Variants in GPR26 observed in about 807,000 individuals in gnomAD.
The protein encoded by GPR26 is G protein-coupled receptor 26.
Under a neutral mutation model 23.1 loss-of-function variants are expected in GPR26, and 15 were observed. The ratio of observed to expected loss-of-function variants is 0.65; its 90% CI spans 0.43 to 1.00. The LOEUF (loss-of-function observed/expected upper bound fraction) is 1.00, where lower values mean the gene tolerates loss of function less well. GPR26 is among the 50% of genes least tolerant of loss of function. GPR26 has a pLI of 0.00. For synonymous variants in GPR26, 228 were observed against 222.1 expected, an observed-to-expected ratio of 1.03 and a Z score of -0.24; for missense variants, 359 against 470.5, an observed-to-expected ratio of 0.76 and a Z score of 2.19.
At chr10:123,687,785 T>A (rs1052482375) in intron 2 of GPR26, 144 bp from the exon 3 acceptor site, 4 of 617,746 alleles carry the variant, frequency 6.5e-6, no homozygotes, top group Non-Finnish European at 1.2e-5. Flanking sequence ...AAACTGTTAT[T>A]GTTATTTGAG....
rs932050812 is a variant in GPR26 at position 123,694,440 on chromosome 10, G to T, written c.*6280G>T. 1.3e-5 allele frequency: 2 copies of T among 152,180 alleles called. No individual in the cohort carries two copies. The highest frequency in any genetic ancestry group is 4.8e-5 in the African/African-American group (2 of 41,392). The allele number at this position is 152,180 out of a possible 1,614,324, so 9.4% of individuals were successfully genotyped here. On this transcript the variant is annotated 3_prime_UTR_variant, in exon 3 of 3. Coordinates refer to ENST00000284674, the MANE Select transcript of GPR26 (RefSeq NM_153442.4). Reference sequence around the variant, plus strand: ...CAGTGGGAGATGATAGAAGTCTTGAGGTTGGGAATATAAGAATTAGGTCTC... The same window carrying T: ...CAGTGGGAGATGATAGAAGTCTTGATGTTGGGAATATAAGAATTAGGTCTC...
intron 2 of GPR26, among the ~76,000 whole-genome samples, chr10:123,675,798 C>CTGTG (rs57869785): frequency 0.14 from 19,320 of 142,434 alleles, 1,544 homozygotes; most frequent in Middle Eastern, 0.2. Context: ...GCAGGGTTTT[C>CTGTG]TGTGTGTGTG....
At chr10:123,684,026 C>T (rs567293133) in intron 2 of GPR26, among the ~76,000 whole-genome samples, 2 of 152,302 alleles carry the variant, frequency 1.3e-5, no homozygotes, top group Admixed American at 6.5e-5. Flanking sequence ...AGCTCCATCC[C>T]CTCCCCCAAC....
chr10:123,684,240 C>T (rs1280991216), intron 2 of GPR26, among the ~76,000 whole-genome samples: 1 of 152,178 alleles, frequency 6.6e-6, no homozygotes, highest in Admixed American at 6.5e-5. Flanking sequence ...TTTGTGGGGA[C>T]AGGCCCTAAT....
In GPR26 at chr10:123,690,360, C is replaced by G. The variant is rs1038968202; in HGVS notation, c.*2200C>G. 16 of 152,206 alleles carry G rather than the reference C, an allele frequency of 1.1e-4. No homozygotes were observed. The highest frequency in any genetic ancestry group is 3.9e-4 in the African/African-American group (16 of 41,422). The allele number at this position is 152,206 out of a possible 1,614,324, so 9.4% of individuals were successfully genotyped here. ...GTGAGGTCAGTCAACAGCCAAATTC[C>G]AGCAGCAAAATACATTTTCATCAAT... On this transcript the variant is annotated 3_prime_UTR_variant, in exon 3 of 3. Coordinates refer to ENST00000284674, the MANE Select transcript of GPR26 (RefSeq NM_153442.4).
intron 2 of GPR26, among the ~76,000 whole-genome samples, chr10:123,678,828 C>A (rs1378220564): frequency 6.6e-6 from 1 of 152,150 alleles, no homozygotes; most frequent in Non-Finnish European, 1.5e-5. Flanking sequence ...CCAGGCTGGG[C>A]AGGGTGTGGA....
intron 2 of GPR26, among the ~76,000 whole-genome samples, chr10:123,684,083 G>C (rs186769415): frequency 2.6e-4 from 39 of 152,108 alleles, no homozygotes; most frequent in African/African-American, 9.4e-4. Flanking sequence ...GGGATTTTCC[G>C]GGGGGAGCTG....
In GPR26 at chr10:123,692,445, C is replaced by G. The variant is rs1431234377; in HGVS notation, c.*4285C>G. ...TCTGGGTGTGGGTCTCTTGTTGGCT[C>G]CCAGCTCATCCCGTGTGGCTGACCC... is the stretch of plus-strand genomic sequence containing the variant. On this transcript the variant is annotated 3_prime_UTR_variant, in exon 3 of 3. Transcript: ENST00000284674. The G allele has an allele frequency of 6.6e-6, 1 of 152,336 alleles. No individual in the cohort carries two copies. The highest frequency in any genetic ancestry group is 2.1e-4 in the South Asian group (1 of 4,832). 9.4% of individuals were successfully genotyped at this position (152,336 alleles called of 1,614,324 possible).
In GPR26 at chr10:123,694,829, G is replaced by C. The variant is rs1471211416; in HGVS notation, c.*6669G>C. 6.6e-6 allele frequency among the ~76,000 whole-genome samples: 1 copy of C among 152,010 alleles called. No homozygotes were observed. The highest frequency in any genetic ancestry group is 1.9e-4 in the East Asian group (1 of 5,186). On this transcript the variant is annotated 3_prime_UTR_variant, in exon 3 of 3. Transcript: ENST00000284674. The stretch of plus-strand genomic sequence containing the variant: ...AAATGAATCTCATTCATTTTGAGGG[G>C]CATCTTCATTACACAGCGTGGGGAG...
Position 123,696,881 on chromosome 10 carries a change from G to C in GPR26, c.*8721G>C, listed in dbSNP as rs1845550616. ...TGGGTGAATGTTTGTGTGCCCATGA[G>C]TATATGCATACGGGTGAATGTTTGT... On this transcript the variant is annotated 3_prime_UTR_variant, in exon 3 of 3. Transcript: ENST00000284674. Among the ~76,000 whole-genome samples, 1 of 144,014 alleles carries C rather than the reference G, an allele frequency of 6.9e-6. No individual in the cohort carries two copies. Among genetic ancestry groups the C allele is most frequent in the African/African-American group, 2.9e-5 (1 of 34,348 alleles). 94.5% of individuals were successfully genotyped at this position (144,014 alleles called of 152,430 possible). A position where few individuals can be genotyped will look rare whatever the true frequency, so the allele number is the denominator to read the frequency against.
intron 2 of GPR26, among the ~76,000 whole-genome samples, 180 bp downstream of exon 2, chr10:123,675,111 A>C (rs1243584572): frequency 6.6e-6 from 1 of 152,034 alleles, no homozygotes; most frequent in African/African-American, 2.4e-5. Flanking sequence ...TCCACCCTCG[A>C]ATTCTTTTGG....
At chr10:123,682,388 GCA>G (rs1319729609) in intron 2 of GPR26, among the ~76,000 whole-genome samples, 2 of 152,174 alleles carry the variant, frequency 1.3e-5, no homozygotes, top group African/African-American at 4.8e-5. Flanking sequence ...GTGTACTGGG[GCA>G]CACGAGGCCA....
At chr10:123,686,234 C>G (rs564404624) in intron 2 of GPR26, among the ~76,000 whole-genome samples, 77 of 152,298 alleles carry the variant, frequency 5.1e-4, no homozygotes, top group African/African-American at 1.8e-3. Flanking sequence ...TTTGAAAAAG[C>G]AATTTGGCAT....
In GPR26 at chr10:123,689,813, C is replaced by T. The variant is rs1267787274; in HGVS notation, c.*1653C>T. The T allele has an allele frequency of 6.6e-6, 1 of 152,176 alleles. No individual in the cohort carries two copies. Among genetic ancestry groups the T allele is most frequent in the Non-Finnish European group, 1.5e-5 (1 of 68,034 alleles). 9.4% of individuals were successfully genotyped at this position (152,176 alleles called of 1,614,324 possible). A position where few individuals can be genotyped will look rare whatever the true frequency, so the allele number is the denominator to read the frequency against. ...CACCTGGCTTAGTCTTGTCTAGTTT[C>T]AAAGTTACCATGGAGACTAGAATGG... is the stretch of plus-strand genomic sequence containing the variant. On this transcript the variant is annotated 3_prime_UTR_variant, in exon 3 of 3. Transcript: ENST00000284674.
At chr10:123,669,363 C>T (rs1190682288) in intron 1 of GPR26, among the ~76,000 whole-genome samples, 1 of 152,220 alleles carries the variant, frequency 6.6e-6, no homozygotes, top group Non-Finnish European at 1.5e-5. Context: ...ACCCTGACAG[C>T]CAGTCCACCA....
At chr10:123,670,724 C>A (rs1483846219) in intron 1 of GPR26, among the ~76,000 whole-genome samples, 1 of 152,164 alleles carries the variant, frequency 6.6e-6, no homozygotes, top group Non-Finnish European at 1.5e-5. Context: ...TGCTCACAAA[C>A]ACCACCCCTC....
intron 2 of GPR26, among the ~76,000 whole-genome samples, chr10:123,685,709 C>G (rs755226138): frequency 1.1e-4 from 16 of 152,162 alleles, no homozygotes; most frequent in Non-Finnish European, 2.1e-4. Context: ...CGGAAGGGAC[C>G]CCAGAGCTTC....
chr10:123,670,749 G>A (rs575368392), intron 1 of GPR26, among the ~76,000 whole-genome samples: 14 of 152,338 alleles, frequency 9.2e-5, no homozygotes, highest in African/African-American at 3.4e-4. Context: ...GTCTAGCTGG[G>A]CACACAGATG....
intron 1 of GPR26, among the ~76,000 whole-genome samples, chr10:123,669,084 C>G (rs1845221907): frequency 6.6e-6 from 1 of 152,228 alleles, no homozygotes; most frequent in Non-Finnish European, 1.5e-5. Context: ...CTTCCTAGCC[C>G]CGGGCTGCTT....
Sources: gnomAD v4.1 joint callset for allele counts (sites outside exome capture counted in the v4.1 genomes callset) on GRCh38, gnomAD v4.1.1 for gene constraint, MANE v1.5 for transcripts, NCBI Gene and HGNC (gene_info 2026-07-23, HGNC 2026-07-21) for gene names.